Variants in RBM27 observed in about 807,000 individuals in gnomAD.
RBM27 encodes the protein RNA-binding protein 27.
In RBM27, 22 loss-of-function variants were observed where a neutral mutation model predicts 135.3. That is an observed-to-expected ratio of 0.16 (90% confidence interval 0.12 to 0.23). The LOEUF is 0.23. RBM27 is among the 10% of genes least tolerant of loss of function. RBM27 has a pLI of 1.00. For synonymous variants in RBM27, 481 were observed against 442.4 expected, an observed-to-expected ratio of 1.09 and a Z score of -1.10; for missense variants, 1,009 against 1,281.0, an observed-to-expected ratio of 0.79 and a Z score of 3.24.
intron 8 of RBM27, among the ~76,000 whole-genome samples, chr5:146,250,324 C>T (rs62372767): frequency 0.21 from 31,606 of 151,148 alleles, 4,173 homozygotes; most frequent in Admixed American, 0.33. Context: ...GCCTGTAGTC[C>T]CAGCTACTCG....
At chr5:146,285,475 C>T (rs541310936) in intron 20 of RBM27, among the ~76,000 whole-genome samples, 1 of 152,170 alleles carries the variant, frequency 6.6e-6, no homozygotes, top group Non-Finnish European at 1.5e-5. Flanking sequence ...GATACATCTA[C>T]TTTGTCTAAG....
At chr5:146,208,169 C>A (rs1194889827) in intron 1 of RBM27, among the ~76,000 whole-genome samples, 1 of 151,806 alleles carries the variant, frequency 6.6e-6, no homozygotes, top group African/African-American at 2.4e-5. Context: ...GTTGGTCAGG[C>A]TGGTCTCAAA....
chr5:146,273,013 A>C (rs1434659669), intron 19 of RBM27, among the ~76,000 whole-genome samples: 1 of 152,184 alleles, frequency 6.6e-6, no homozygotes, highest in African/African-American at 2.4e-5. Context: ...ATACAAGTGC[A>C]GTGTATTGTG....
intron 2 of RBM27, 107 bp downstream of exon 2, chr5:146,219,210 G>T: frequency 1.4e-6 from 1 of 739,006 alleles, no homozygotes; most frequent in South Asian, 2.0e-5. Context: ...AGTAGTCAGA[G>T]TCCTTTGAAT....
Position 146,269,140 on chromosome 5 carries a change from AG to A in RBM27, c.2452-66del. On this transcript the variant is annotated intron_variant, in intron 15 of 20. Coordinates refer to ENST00000265271, the MANE Select transcript of RBM27 (RefSeq NM_018989.2). ...GGACAGTCTGTCTCAGGGATGACCC[AG>A]AAAAAATGAGTTGAGAATGGTGGCA... The A allele has an allele frequency of 2.6e-6, 3 of 1,156,956 alleles. No individual in the cohort carries two copies. In the East Asian group the frequency reaches 7.1e-5, roughly 27 times the overall value. The allele number at this position is 1,156,956 out of a possible 1,614,324, so 71.7% of individuals were successfully genotyped here.
intron 3 of RBM27, among the ~76,000 whole-genome samples, chr5:146,225,596 C>T (rs1320170706): frequency 1.3e-5 from 2 of 149,118 alleles, no homozygotes; most frequent in South Asian, 2.1e-4. Context: ...AGACGGAGTC[C>T]GCTCCATCGC....
At position 146,271,030 on chromosome 5, in the gene RBM27, G is replaced by A. The variant is rs1758839418; in HGVS notation, c.2768G>A (p.Arg923Gln). ...LSSGEDTTEL[R>Q]KKLSQLQVEA... ...TCAGGAGAAGACACCACAGAATTAC[G>A]GAAAAAACTCAGTCAGTTACAGGTT... is the stretch of plus-strand genomic sequence containing the variant. The change falls in exon 18 of 21, where the codon CGG (arginine) becomes CAG (glutamine). Residue 923 changes from arginine (R) to glutamine (Q), a missense_variant. Transcript: ENST00000265271. 3 of 1,613,054 alleles carry A rather than the reference G, an allele frequency of 1.9e-6. No homozygotes were observed. The highest frequency in any genetic ancestry group is 1.3e-5 in the African/African-American group (1 of 74,860).
At position 146,233,683 on chromosome 5, in the gene RBM27, A is replaced by G; in HGVS notation, c.1084A>G (p.Arg362Gly). The part of the protein sequence containing the change: ...GPGPGPGHSM[R>G]LPVPQGHGQP... ...AGGTCCAGGTCCTGGCCATAGTATG[A>G]GACTTCCTGTTCCCCAAGGACATGG... The change falls in exon 7 of 21, where the codon AGA becomes GGA. Residue 362 changes from arginine to glycine, a missense_variant. By Grantham distance (125) the Arg-to-Gly change is moderately radical. Transcript: ENST00000265271. The G allele has an allele frequency of 6.6e-7, 1 of 1,518,670 alleles. No homozygotes were observed. The highest frequency in any genetic ancestry group is 1.8e-4 in the Middle Eastern group (1 of 5,636). 94.1% of individuals were successfully genotyped at this position (1,518,670 alleles called of 1,614,324 possible).
chr5:146,278,453 A>C (rs1225393097), intron 19 of RBM27, among the ~76,000 whole-genome samples: 2 of 152,206 alleles, frequency 1.3e-5, no homozygotes, highest in African/African-American at 4.8e-5. Flanking sequence ...CACTCCCCAT[A>C]GACAATTATT....
intron 19 of RBM27, among the ~76,000 whole-genome samples, chr5:146,278,544 G>T (rs1162248558): frequency 6.6e-6 from 1 of 151,876 alleles, no homozygotes. Flanking sequence ...AAAAATGGTA[G>T]CATGTTATAC....
At chr5:146,250,770 C>CTTTTTTTTTTTT (rs58027855) in intron 8 of RBM27, among the ~76,000 whole-genome samples, 9 of 72,650 alleles carry the variant, frequency 1.2e-4, no homozygotes, top group East Asian at 4.6e-4. Flanking sequence ...TTTTTTTGTC[C>CTTTTTTTTTTTT]TTTTTTTTTT....
Position 146,271,612 on chromosome 5 carries a change from A to G in RBM27, c.2926A>G (p.Lys976Glu). ...TCACATGGTGGTGGACCATCGTCCC[A>G]AAGCACTAACAGTTGGAGGATTCAT... ...LNHMVVDHRP[K>E]ALTVGGFIEE... is the part of the protein sequence containing the mutation. The change falls in exon 19 of 21, where the codon AAA (lysine) becomes GAA (glutamate). Residue 976 changes from lysine to glutamate, a missense_variant. This residue lies in a region of RBM27 where 355 missense variants were observed against 427.3 expected (regional missense o/e 0.83). Transcript: ENST00000265271. 1 of 1,614,080 alleles carries G rather than the reference A, an allele frequency of 6.2e-7. No individual in the cohort carries two copies. Among genetic ancestry groups the G allele is most frequent in the Non-Finnish European group, 8.5e-7 (1 of 1,179,946 alleles).
At chr5:146,240,290 TTCTATCTGTCTGTCTGTCTG>T (rs1484333844) in intron 8 of RBM27, among the ~76,000 whole-genome samples, 14 of 146,480 alleles carry the variant, frequency 9.6e-5, no homozygotes, top group Non-Finnish European at 2.1e-4. Context: ...GATTGCTGTT[TTCTATCTGTCTGTCTGTCTG>T]TCTGTCTGTC....
At chr5:146,283,738 A>C (rs1326030233) in intron 19 of RBM27, among the ~76,000 whole-genome samples, 6 of 152,176 alleles carry the variant, frequency 3.9e-5, no homozygotes, top group Non-Finnish European at 7.3e-5. Flanking sequence ...TCTAATGTAC[A>C]TTCTCACCAT....
Position 146,235,603 on chromosome 5 carries a change from G to C in RBM27, c.1145-1695G>C, listed in dbSNP as rs141208303. 2.4e-3 allele frequency among the ~76,000 whole-genome samples: 362 copies of C among 152,152 alleles called. 2 individuals carry two copies. Among genetic ancestry groups the C allele is most frequent in the African/African-American group, 8.1e-3 (338 of 41,508 alleles). On this transcript the variant is annotated intron_variant, in intron 7 of 20. Coordinates refer to ENST00000265271, the MANE Select transcript of RBM27 (RefSeq NM_018989.2). ...TATTATTAAAGTTGGTAAATGTTTG[G>C]AGGGATTTAATGCATATGTTTGGCC...
chr5:146,255,781 C>T (rs902831874), intron 10 of RBM27, among the ~76,000 whole-genome samples: 1 of 152,034 alleles, frequency 6.6e-6, no homozygotes, highest in Non-Finnish European at 1.5e-5. Context: ...ACTGCACTGA[C>T]ACAATAGTTT....
intron 8 of RBM27, among the ~76,000 whole-genome samples, chr5:146,245,481 G>A (rs1008537840): frequency 6.6e-6 from 1 of 152,168 alleles, no homozygotes; most frequent in African/African-American, 2.4e-5. Flanking sequence ...TTCTTAGGTT[G>A]AAGATAACTG....
intron 18 of RBM27, 101 bp from the exon 19 acceptor site, chr5:146,271,382 G>C (rs1281264976): frequency 1.3e-5 from 14 of 1,114,680 alleles, no homozygotes; most frequent in African/African-American, 3.2e-5. Flanking sequence ...CCTAGGCAAC[G>C]AGAGTGAAAT....
intron 8 of RBM27, among the ~76,000 whole-genome samples, chr5:146,239,936 C>T (rs564390661): frequency 6.6e-6 from 1 of 152,150 alleles, no homozygotes; most frequent in African/African-American, 2.4e-5. Context: ...GCCACCACAC[C>T]CGGCTAATTT....
Sources: allele counts gnomAD v4.1 joint callset (sites outside exome capture counted in the v4.1 genomes callset), GRCh38; gene constraint gnomAD v4.1.1; regional missense constraint gnomAD v4.1.1; transcripts MANE v1.5; gene names NCBI Gene and HGNC (gene_info 2026-07-23, HGNC 2026-07-21).